The following DACH2 variants were observed in gnomAD, a reference collection of about 807,000 sequenced individuals.
The protein encoded by DACH2 is dachshund homolog 2.
Under a neutral mutation model 35.8 loss-of-function variants are expected in DACH2, and 17 were observed. The ratio of observed to expected loss-of-function variants is 0.48; its 90% CI spans 0.33 to 0.71. The LOEUF is 0.71. DACH2 is among the 30% of genes least tolerant of loss of function. DACH2 has a pLI of 0.02. For synonymous variants in DACH2, 195 were observed against 177.3 expected (o/e 1.10, Z -0.79); for missense variants, 469 against 472.7 (o/e 0.99, Z 0.07).
intron 3 of DACH2, among the ~76,000 whole-genome samples, chrX:86,531,792 A>G (rs2038725211): frequency 8.9e-6 from 1 of 111,957 alleles, no homozygotes; most frequent in Non-Finnish European, 1.9e-5. Flanking sequence ...ATCCTCCAGA[A>G]CCTGGAATAG....
intron 5 of DACH2, among the ~76,000 whole-genome samples, chrX:86,707,154 A>G (rs756706274): frequency 9.0e-6 from 1 of 110,970 alleles, no homozygotes; most frequent in African/African-American, 3.3e-5. Context: ...AATAGAAGCC[A>G]TCACTATTTA....
At chrX:86,207,430 A>G (rs1208791516) in intron 1 of DACH2, among the ~76,000 whole-genome samples, 1 of 111,373 alleles carries the variant, frequency 9.0e-6, no homozygotes, top group African/African-American at 3.3e-5. Context: ...GTGTATGCTA[A>G]AATATATGTG....
At chrX:86,491,519 G>T (rs1569419627) in intron 2 of DACH2, among the ~76,000 whole-genome samples, 1 of 111,922 alleles carries the variant, frequency 8.9e-6, no homozygotes, top group Admixed American at 9.5e-5. Context: ...CTTTTAGGCA[G>T]TTAAGGCAGA....
chrX:86,294,176 A>G (rs1452053876), intron 1 of DACH2, among the ~76,000 whole-genome samples: 4 of 110,666 alleles, frequency 3.6e-5, no homozygotes, highest in Non-Finnish European at 5.7e-5. Flanking sequence ...CATTCATTTC[A>G]TCTTCCATCA....
chrX:86,522,661 C>A (rs1378962816), intron 3 of DACH2, among the ~76,000 whole-genome samples: 3 of 111,187 alleles, frequency 2.7e-5, no homozygotes, highest in Non-Finnish European at 5.7e-5. Context: ...AGTTAGACTG[C>A]TTGTTGCCTT....
At chrX:86,486,923 T>C (rs1350798379) in intron 2 of DACH2, among the ~76,000 whole-genome samples, 1 of 111,813 alleles carries the variant, frequency 8.9e-6, no homozygotes, top group African/African-American at 3.2e-5. Flanking sequence ...CTAGCAACAG[T>C]AACAGGACTT....
chrX:86,470,581 C>T (rs1212611056), intron 2 of DACH2, among the ~76,000 whole-genome samples: 2 of 111,232 alleles, frequency 1.8e-5, no homozygotes, highest in Non-Finnish European at 1.9e-5. Flanking sequence ...CTAACACACA[C>T]ATTAGTACAC....
intron 1 of DACH2, among the ~76,000 whole-genome samples, chrX:86,190,545 C>T (rs1306643979): frequency 8.9e-6 from 1 of 112,263 alleles, no homozygotes; most frequent in Non-Finnish European, 1.9e-5. Flanking sequence ...AAGACAAACA[C>T]GTGGCCAACA....
chrX:86,254,932 T>C (rs1331834743), intron 1 of DACH2, among the ~76,000 whole-genome samples: 1 of 106,425 alleles, frequency 9.4e-6, no homozygotes, highest in African/African-American at 3.4e-5. Context: ...AGTTGAAAAA[T>C]GCACATAGAG....
chrX:86,598,175 G>A (rs947507640), intron 3 of DACH2, among the ~76,000 whole-genome samples: 1 of 111,553 alleles, frequency 9.0e-6, no homozygotes, highest in South Asian at 3.7e-4. Flanking sequence ...TTTGGGTGGG[G>A]ACACAGCCAA....
chrX:86,260,154 C>T (rs2033599878), intron 1 of DACH2, among the ~76,000 whole-genome samples: 1 of 110,564 alleles, frequency 9.0e-6, no homozygotes, highest in African/African-American at 3.3e-5. Context: ...TGGATTTAAT[C>T]CATAAGTTTA....
At chrX:86,706,544 T>C (rs1446904410) in intron 5 of DACH2, among the ~76,000 whole-genome samples, 1 of 110,697 alleles carries the variant, frequency 9.0e-6, no homozygotes, top group Non-Finnish European at 1.9e-5. Flanking sequence ...AAATTTTAAA[T>C]TCTTCTTAAA....
At chrX:86,719,296 C>T (rs1224058159) in intron 6 of DACH2, among the ~76,000 whole-genome samples, 7 of 111,618 alleles carry the variant, frequency 6.3e-5, no homozygotes, top group African/African-American at 2.3e-4. Flanking sequence ...ATAAATGCTA[C>T]CAATTTTTTG....
intron 1 of DACH2, among the ~76,000 whole-genome samples, chrX:86,339,803 T>C (rs1487407759): frequency 8.9e-6 from 1 of 112,146 alleles, no homozygotes; most frequent in African/African-American, 3.2e-5. Flanking sequence ...TAAAAGATTC[T>C]TCAAAATGCT....
At chrX:86,831,964 A>C (rs1235503271) in intron 11 of DACH2, 142 bp from the exon 12 acceptor site, 20 of 420,986 alleles carry the variant, frequency 4.8e-5, no homozygotes, top group Non-Finnish European at 2.0e-5. Context: ...AGAAATGTTA[A>C]GAAATGTTAA....
At chrX:86,366,187 C>T (rs2035804405) in intron 1 of DACH2, among the ~76,000 whole-genome samples, 1 of 110,502 alleles carries the variant, frequency 9.0e-6, no homozygotes, top group African/African-American at 3.3e-5. Flanking sequence ...CCTTTTGGTG[C>T]TTGGCATTTT....
intron 7 of DACH2, among the ~76,000 whole-genome samples, chrX:86,771,015 G>T (rs2041983543): frequency 8.9e-6 from 1 of 112,886 alleles, no homozygotes. Context: ...GTTTACCAGG[G>T]CATAGTTTTG....
intron 3 of DACH2, among the ~76,000 whole-genome samples, chrX:86,568,811 A>G (rs1457317666): frequency 9.0e-6 from 1 of 111,471 alleles, no homozygotes; most frequent in African/African-American, 3.3e-5. Context: ...TGTTATTTAA[A>G]AAGATTGACA....
At chrX:86,461,980 A>G (rs1390110743) in intron 2 of DACH2, among the ~76,000 whole-genome samples, 4 of 111,298 alleles carry the variant, frequency 3.6e-5, no homozygotes, top group Non-Finnish European at 7.6e-5. Flanking sequence ...TCTTAGCAAG[A>G]AGATAATTGT....
Sources: gnomAD v4.1 joint callset for allele counts (sites outside exome capture counted in the v4.1 genomes callset) on GRCh38, gnomAD v4.1.1 for gene constraint, MANE v1.5 for transcripts, NCBI Gene and HGNC (gene_info 2026-07-23, HGNC 2026-07-21) for gene names.